ALAS1: variants seen among roughly 807,000 people sequenced by gnomAD.
The protein encoded by ALAS1 is 5'-aminolevulinate synthase 1.
Under a neutral mutation model 59.6 loss-of-function variants are expected in ALAS1, and 29 were observed. The observed-to-expected ratio is 0.49, with a 90% CI of 0.36 to 0.66. The LOEUF (loss-of-function observed/expected upper bound fraction) is 0.66. Ranked by LOEUF, ALAS1 falls within the 30% of genes least tolerant of loss-of-function variation. ALAS1 has a pLI of 0.00. For synonymous variants in ALAS1, 299 were observed against 296.6 expected, an observed-to-expected ratio of 1.01 and a Z score of -0.08; for missense variants, 690 against 807.5, an observed-to-expected ratio of 0.85 and a Z score of 1.76.
At chr3:52,210,403 G>A (rs1234260458) in intron 9 of ALAS1, among the ~76,000 whole-genome samples, 1 of 152,200 alleles carries the variant, frequency 6.6e-6, no homozygotes, top group Non-Finnish European at 1.5e-5. Context: ...CCTGCATTTT[G>A]ATCCTGGTTA....
chr3:52,209,422 T>A (rs1162915467), intron 9 of ALAS1, among the ~76,000 whole-genome samples: 1 of 152,140 alleles, frequency 6.6e-6, no homozygotes, highest in Non-Finnish European at 1.5e-5. Flanking sequence ...TTAGCCAGAA[T>A]GTTCTCAATC....
chr3:52,209,631 A>T lies in ALAS1; in HGVS notation c.1330+1384A>T, dbSNP rs1407225818. 2.6e-5 allele frequency among the ~76,000 whole-genome samples: 4 copies of T among 152,360 alleles called. No homozygotes were observed. The East Asian group carries it at 5.8e-4, about 22-fold the overall frequency. On this transcript the variant is annotated intron_variant, in intron 9 of 11. Transcript: ENST00000484952. ...GGAGATTGAACCAACCCAGCTTTGC[A>T]TGTGGTTTTAGCAAAAACATTAATT...
intron 7 of ALAS1, 88 bp downstream of exon 7, chr3:52,206,111 C>A: frequency 1.6e-6 from 2 of 1,234,804 alleles, no homozygotes; most frequent in Non-Finnish European, 2.3e-6. Context: ...CTTACCAGAA[C>A]CTCTCAATTG....
Position 52,204,735 on chromosome 3 carries a change from T to A in ALAS1, c.620T>A (p.Ile207Asn). The A allele has an allele frequency of 6.2e-7, 1 of 1,614,124 alleles. No homozygotes were observed. Residue 207 changes from isoleucine (I) to asparagine (N), a missense_variant, in exon 6 of 12, where the codon ATT (isoleucine) becomes AAT (asparagine). By Grantham distance (149) the Ile-to-Asn change is moderately radical. Transcript: ENST00000484952. ...FQYDRFFEKK[I>N]DEKKNDHTYR... is the part of the protein sequence containing the mutation. ...TATGATCGTTTCTTTGAGAAAAAAA[T>A]TGATGAGAAAAAGAATGACCACACC...
chr3:52,212,617 T>C (rs1699435630), intron 11 of ALAS1, 197 bp downstream of exon 11: 3 of 603,848 alleles, frequency 5.0e-6, no homozygotes, highest in Non-Finnish European at 2.9e-6. Context: ...CCGCAACCCC[T>C]GCCTCCCAGG....
Position 52,212,305 on chromosome 3 carries a change from C to G in ALAS1, c.1647C>G (p.Ser549Arg). The G allele has an allele frequency of 6.2e-7, 1 of 1,614,134 alleles. No homozygotes were observed. Among genetic ancestry groups the G allele is most frequent in the Non-Finnish European group, 8.5e-7 (1 of 1,180,024 alleles). The change falls in exon 11 of 12, where the codon AGC (serine) becomes AGG (arginine). Residue 549 changes from serine to arginine, a missense_variant. By Grantham distance (110) the Ser-to-Arg change is moderately radical (BLOSUM62 -1). Transcript: ENST00000484952. ...KNTEVCDELM[S>R]RHNIYVQAIN... ...CAGAAGTCTGTGATGAACTAATGAG[C>G]AGACATAACATCTACGTGCAAGCAA...
chr3:52,199,359 G>A lies in ALAS1; in HGVS notation c.118G>A (p.Gly40Arg), dbSNP rs1699138262. 6.2e-7 allele frequency: 1 copy of A among 1,614,186 alleles called. No individual in the cohort carries two copies. The highest frequency in any genetic ancestry group is 8.5e-7 in the Non-Finnish European group (1 of 1,180,042). The change falls in exon 3 of 12, where the codon GGG becomes AGG. Residue 40 changes from glycine (G) to arginine (R), a missense_variant. Gly to Arg is a moderately radical substitution (Grantham distance 125). Coordinates refer to ENST00000484952, the MANE Select transcript of ALAS1 (RefSeq NM_000688.6). ...AQNCPKMMEV[G>R]AKPAPRALST... is the part of the protein sequence containing the mutation. Reference sequence around the variant, plus strand: ...AAACTGCCCCAAGATGATGGAAGTTGGGGCCAAGCCAGCCCCTCGGGCATT... The same window carrying A: ...AAACTGCCCCAAGATGATGGAAGTTAGGGCCAAGCCAGCCCCTCGGGCATT...
At chr3:52,213,369 T>C (rs576702760) in intron 11 of ALAS1, among the ~76,000 whole-genome samples, 40 of 152,344 alleles carry the variant, frequency 2.6e-4, no homozygotes, top group African/African-American at 9.4e-4. Flanking sequence ...GTGGCAGTGT[T>C]GGAGCAGCTT....
intron 6 of ALAS1, 98 bp downstream of exon 6, chr3:52,205,013 C>T: frequency 9.8e-7 from 1 of 1,021,546 alleles, no homozygotes; most frequent in Non-Finnish European, 1.5e-6. Context: ...CATTCAGTAG[C>T]TGAAAGTGTG....
In ALAS1 at chr3:52,203,969, A is replaced by G. The variant is rs1699242856; in HGVS notation, c.534A>G (p.Arg178=). The part of the protein sequence containing the change: ...KNFQDIMQKQ[R]PERVSHLLQD... Reference sequence around the variant, plus strand: ...TCCAGGACATCATGCAAAAGCAAAGACCAGAAAGAGTGTCTCATCTTCTTC... The same window carrying G: ...TCCAGGACATCATGCAAAAGCAAAGGCCAGAAAGAGTGTCTCATCTTCTTC... The change falls in exon 5 of 12, where the codon AGA becomes AGG. Residue 178 remains arginine (R), a synonymous_variant. Coordinates refer to ENST00000484952, the MANE Select transcript of ALAS1 (RefSeq NM_000688.6). The G allele has an allele frequency of 1.9e-6, 3 of 1,613,130 alleles. No homozygotes were observed. Among genetic ancestry groups the G allele is most frequent in the Non-Finnish European group, 2.5e-6 (3 of 1,179,572 alleles).
intron 4 of ALAS1, among the ~76,000 whole-genome samples, chr3:52,203,418 A>G (rs1699228423): frequency 6.6e-6 from 1 of 152,146 alleles, no homozygotes; most frequent in South Asian, 2.1e-4. Flanking sequence ...GCGCATGCCT[A>G]TAGTCCCATC....
At chr3:52,206,144 A>G (rs1214872395) in intron 7 of ALAS1, 121 bp downstream of exon 7, 5 of 968,548 alleles carry the variant, frequency 5.2e-6, no homozygotes, top group Non-Finnish European at 6.1e-6. Flanking sequence ...CTATCTGGGC[A>G]TTTGTTCTGG....
chr3:52,212,496 C>G, intron 11 of ALAS1, 76 bp downstream of exon 11: 4 of 1,554,138 alleles, frequency 2.6e-6, no homozygotes, highest in Admixed American at 1.7e-5. Flanking sequence ...ATAATTGAAG[C>G]CCTTCAGAGG....
chr3:52,199,296 CTGCAGAAAGCAGGCAAATCTCTGT>C lies in ALAS1; in HGVS notation c.58_81del (p.Gln20_Leu27del). ...CTTATCCCGAGTCCCCCAGGCCTTT[CTGCAGAAAGCAGGCAAATCTCTGT>C]TGTTCTATGCCCAAAACTGCCCCAA... On this transcript the variant is annotated inframe_deletion, in exon 3 of 12. Transcript: ENST00000484952. The C allele has an allele frequency of 6.2e-7, 1 of 1,614,234 alleles. No individual in the cohort carries two copies. Among genetic ancestry groups the C allele is most frequent in the Non-Finnish European group, 8.5e-7 (1 of 1,180,048 alleles).
intron 8 of ALAS1, among the ~76,000 whole-genome samples, chr3:52,207,378 C>T (rs1255663555): frequency 1.1e-4 from 16 of 151,790 alleles, no homozygotes; most frequent in Admixed American, 1.1e-3. Context: ...CCTTGTGATC[C>T]GCCCACCTTG....
chr3:52,212,489 A>T, intron 11 of ALAS1, 69 bp downstream of exon 11: 1 of 1,581,542 alleles, frequency 6.3e-7, no homozygotes, highest in Non-Finnish European at 8.7e-7. Flanking sequence ...AGTGTTTATA[A>T]TTGAAGCCCT....
intron 10 of ALAS1, 111 bp downstream of exon 10, chr3:52,211,662 G>A (rs1258671442): frequency 6.8e-7 from 1 of 1,465,754 alleles, no homozygotes; most frequent in Admixed American, 1.8e-5. Flanking sequence ...GTGACTGCCA[G>A]GGCAGGGGTT....
chr3:52,206,993 C>T (rs1316148149), intron 8 of ALAS1, among the ~76,000 whole-genome samples: 4 of 150,862 alleles, frequency 2.7e-5, no homozygotes, highest in African/African-American at 9.8e-5. Flanking sequence ...TGCCACCACG[C>T]CTGGCTAATT....
rs779922896 is a variant in ALAS1 at position 52,212,351 on chromosome 3, C to T, written c.1693C>T (p.Arg565Trp). 25 of 1,614,018 alleles carry T rather than the reference C, an allele frequency of 1.5e-5. No homozygotes were observed. Among genetic ancestry groups the T allele is most frequent in the East Asian group, 1.1e-4 (5 of 44,904 alleles). ...VQAINYPTVP[R>W]GEELLRIAPT... ...AGCAATCAATTACCCTACGGTGCCC[C>T]GGGGAGAAGAGCTCCTACGGATTGC... Residue 565 changes from arginine (R) to tryptophan (W), a missense_variant, in exon 11 of 12, where the codon CGG becomes TGG. By Grantham distance (101) the Arg-to-Trp change is moderately radical. Coordinates refer to ENST00000484952, the MANE Select transcript of ALAS1 (RefSeq NM_000688.6).
Sources: allele counts gnomAD v4.1 joint callset (sites outside exome capture counted in the v4.1 genomes callset), GRCh38; gene constraint gnomAD v4.1.1; transcripts MANE v1.5; gene names NCBI Gene and HGNC (gene_info 2026-07-23, HGNC 2026-07-21).